The following CLYBL variants were observed in gnomAD, a reference collection of about 807,000 sequenced individuals.
The protein encoded by CLYBL is citramalyl-CoA lyase, mitochondrial.
A neutral mutation model predicts 38.9 loss-of-function variants in CLYBL; 31 were observed. The ratio of observed to expected loss-of-function variants is 0.80; its 90% CI spans 0.60 to 1.08. The LOEUF (loss-of-function observed/expected upper bound fraction) is 1.08, where lower values mean the gene tolerates loss of function less well. CLYBL is among the 50% of genes least tolerant of loss of function. The probability of loss-of-function intolerance (pLI) is 0.00; values close to 1 mark genes in which losing one functional copy is unlikely to be tolerated. For synonymous variants in CLYBL, 171 were observed against 158.6 expected, an observed-to-expected ratio of 1.08 and a Z score of -0.59; for missense variants, 434 against 411.6, an observed-to-expected ratio of 1.05 and a Z score of -0.47.
chr13:99,801,391 C>G (rs2138942578), intron 2 of CLYBL, among the ~76,000 whole-genome samples: 1 of 152,068 alleles, frequency 6.6e-6, no homozygotes, highest in Middle Eastern at 3.4e-3. Context: ...TGGCAAGAAC[C>G]ATACTGTTCC....
intron 7 of CLYBL, among the ~76,000 whole-genome samples, chr13:99,878,502 A>G (rs1001779976): frequency 2.1e-4 from 32 of 152,252 alleles, no homozygotes; most frequent in African/African-American, 7.2e-4. Context: ...TTTAAAAATA[A>G]TTTTTAAAAA....
chr13:99,870,469 C>T (rs960805796), intron 6 of CLYBL, among the ~76,000 whole-genome samples: 2 of 152,068 alleles, frequency 1.3e-5, no homozygotes, highest in African/African-American at 2.4e-5. Flanking sequence ...ACCAGCAGAC[C>T]ATTTCTAAGA....
intron 2 of CLYBL, among the ~76,000 whole-genome samples, chr13:99,817,761 G>A (rs1397930494): frequency 2.6e-5 from 4 of 151,934 alleles, no homozygotes; most frequent in South Asian, 2.1e-4. Flanking sequence ...CTAGCACTTC[G>A]GGAGGCCAAG....
chr13:99,759,441 G>A (rs554989145), intron 1 of CLYBL, among the ~76,000 whole-genome samples: 3 of 152,288 alleles, frequency 2.0e-5, no homozygotes, highest in African/African-American at 7.2e-5. Context: ...AAGAAGAACA[G>A]GGACAGTGGG....
chr13:99,785,677 A>T (rs2049774988), intron 2 of CLYBL, among the ~76,000 whole-genome samples: 4 of 151,882 alleles, frequency 2.6e-5, no homozygotes, highest in African/African-American at 9.7e-5. Flanking sequence ...GCTCACTGCA[A>T]CATCTGCCTC....
At chr13:99,762,303 T>G (rs1368898223) in intron 1 of CLYBL, among the ~76,000 whole-genome samples, 1 of 152,210 alleles carries the variant, frequency 6.6e-6, no homozygotes, top group Non-Finnish European at 1.5e-5. Context: ...GTTTCAGGTC[T>G]TAGATTTAAG....
intron 1 of CLYBL, among the ~76,000 whole-genome samples, chr13:99,682,289 G>A (rs575793517): frequency 6.6e-5 from 10 of 151,768 alleles, no homozygotes; most frequent in South Asian, 4.2e-4. Flanking sequence ...GACTACATGC[G>A]CCTGCCACCA....
rs550851368 is a variant in CLYBL at position 99,654,588 on chromosome 13, G to A, written c.62+47831G>A. Among the ~76,000 whole-genome samples, 4 of 152,328 alleles carry A rather than the reference G, an allele frequency of 2.6e-5. No homozygotes were observed. The South Asian group carries it at 6.2e-4, about 24-fold the overall frequency. On this transcript the variant is annotated intron_variant, in intron 1 of 8. Coordinates refer to ENST00000339105, the MANE Select transcript of CLYBL (RefSeq NM_206808.5). ...CCCATCATCTACATATTACTTGATT[G>A]TTGTGTACAGGGTATTGGGTGAAAA... is the stretch of plus-strand genomic sequence containing the variant.
intron 2 of CLYBL, among the ~76,000 whole-genome samples, chr13:99,813,821 C>T (rs916480897): frequency 1.3e-5 from 2 of 152,080 alleles, no homozygotes; most frequent in African/African-American, 2.4e-5. Context: ...GATACGTTGC[C>T]GTCCGCAAGT....
chr13:99,722,077 C>T (rs570455808), intron 1 of CLYBL, among the ~76,000 whole-genome samples: 1 of 152,364 alleles, frequency 6.6e-6, no homozygotes, highest in South Asian at 2.1e-4. Flanking sequence ...ATGATTCATA[C>T]AAAAGCTTTT....
chr13:99,746,355 ATTT>A (rs34410635), intron 1 of CLYBL, among the ~76,000 whole-genome samples: 81,900 of 144,406 alleles, frequency 0.57, 26,071 homozygotes, highest in Non-Finnish European at 0.73. Flanking sequence ...TTTAAATACT[ATTT>A]TTTTTTTTTT....
intron 2 of CLYBL, among the ~76,000 whole-genome samples, chr13:99,807,727 C>T (rs2050260007): frequency 6.6e-6 from 1 of 151,896 alleles, no homozygotes; most frequent in Admixed American, 6.6e-5. Context: ...GTGATGGTTG[C>T]ACAATAAGAT....
downstream of CLYBL, chr13:99,894,797 C>G (rs1319051458): frequency 7.3e-6 from 1 of 136,814 alleles, no homozygotes; most frequent in Non-Finnish European, 1.5e-5. Flanking sequence ...TAATGACAAT[C>G]TGTGACAACC....
chr13:99,898,017 T>C (rs1010946383), downstream of CLYBL, among the ~76,000 whole-genome samples: 1 of 152,042 alleles, frequency 6.6e-6, no homozygotes, highest in Admixed American at 6.6e-5. Flanking sequence ...GAAGGAACTT[T>C]AGAGATTCCT....
intron 2 of CLYBL, among the ~76,000 whole-genome samples, chr13:99,774,056 C>A (rs978693078): frequency 7.0e-6 from 1 of 142,332 alleles, no homozygotes; most frequent in Admixed American, 7.0e-5. Context: ...ATAGCAAAAC[C>A]CCATTTCTAC....
chr13:99,692,913 C>A (rs1391026142), intron 1 of CLYBL, among the ~76,000 whole-genome samples: 3 of 151,692 alleles, frequency 2.0e-5, no homozygotes, highest in Non-Finnish European at 4.4e-5. Flanking sequence ...GTACTTCATT[C>A]CTTTTTCTGG....
chr13:99,773,757 G>A (rs1049166736), intron 2 of CLYBL, among the ~76,000 whole-genome samples: 2 of 152,124 alleles, frequency 1.3e-5, no homozygotes, highest in Non-Finnish European at 2.9e-5. Context: ...CAGGTATACT[G>A]AGTAATGGTC....
chr13:99,780,787 C>T (rs997035590), intron 2 of CLYBL, among the ~76,000 whole-genome samples: 3 of 148,228 alleles, frequency 2.0e-5, no homozygotes, highest in African/African-American at 7.5e-5. Context: ...GATCTTGGCT[C>T]ACTGCAACCT....
intron 7 of CLYBL, among the ~76,000 whole-genome samples, chr13:99,878,993 C>T (rs1220547090): frequency 6.6e-6 from 1 of 152,176 alleles, no homozygotes; most frequent in Non-Finnish European, 1.5e-5. Flanking sequence ...CGTGGAGACC[C>T]AGACCTGGGC....
Sources: gnomAD v4.1 joint callset for allele counts (sites outside exome capture counted in the v4.1 genomes callset) on GRCh38, gnomAD v4.1.1 for gene constraint, MANE v1.5 for transcripts, NCBI Gene and HGNC (gene_info 2026-07-23, HGNC 2026-07-21) for gene names.